Variants in CDK13 observed in about 807,000 individuals in gnomAD.
The protein encoded by CDK13 is cyclin-dependent kinase 13.
A neutral mutation model predicts 137.6 loss-of-function variants in CDK13; 40 were observed. That is an observed-to-expected ratio of 0.29 (90% CI 0.23 to 0.38). The LOEUF (loss-of-function observed/expected upper bound fraction) is 0.38. Ranked by LOEUF, CDK13 falls within the 10% of genes least tolerant of loss-of-function variation. The pLI is 1.00. For synonymous variants in CDK13, 869 were observed against 760.1 expected (o/e 1.14, Z -2.36); for missense variants, 1,704 against 1,951.8 (o/e 0.87, Z 2.39).
chr7:39,964,304 A>G (rs1441482487), intron 1 of CDK13, among the ~76,000 whole-genome samples: 2 of 152,210 alleles, frequency 1.3e-5, no homozygotes, highest in East Asian at 3.9e-4. Flanking sequence ...AGAGCCTGTT[A>G]TTGGTCTATT....
chr7:40,006,032 T>A (rs552021828), intron 5 of CDK13, among the ~76,000 whole-genome samples: 1 of 152,178 alleles, frequency 6.6e-6, no homozygotes, highest in Non-Finnish European at 1.5e-5. Context: ...TGAAGAAACT[T>A]TTTCTAAACT....
At chr7:40,015,640 TAGGC>T (rs1784988108) in intron 5 of CDK13, among the ~76,000 whole-genome samples, 1 of 152,138 alleles carries the variant, frequency 6.6e-6, no homozygotes, top group Non-Finnish European at 1.5e-5. Flanking sequence ...CAATAATTAT[TAGGC>T]AGGTAGGATG....
Position 39,950,894 on chromosome 7 carries a change from C to A in CDK13, c.253C>A (p.Pro85Thr). Residue 85 changes from proline (P) to threonine (T), a missense_variant, in exon 1 of 14, where the codon CCC becomes ACC. Physicochemically the swap from Pro to Thr is conservative, Grantham distance 38. Transcript: ENST00000181839. ...AASSSCFSPG[P>T]PLEVKRLARG... is the part of the protein sequence containing the mutation. ...CTCCTCCTCTTGCTTCAGCCCGGGC[C>A]CCCCTCTGGAGGTCAAGCGGCTGGC... 7.4e-7 allele frequency: 1 copy of A among 1,345,780 alleles called. No individual in the cohort carries two copies. Among genetic ancestry groups the A allele is most frequent in the East Asian group, 3.1e-5 (1 of 32,502 alleles). 83.4% of individuals were successfully genotyped at this position (1,345,780 alleles called of 1,614,324 possible). A position where few individuals can be genotyped will look rare whatever the true frequency, so the allele number is the denominator to read the frequency against.
At chr7:40,044,117 T>G (rs1562745874) in intron 5 of CDK13, among the ~76,000 whole-genome samples, 1 of 151,600 alleles carries the variant, frequency 6.6e-6, no homozygotes, top group Non-Finnish European at 1.5e-5. Context: ...GGCTGGTCTC[T>G]AACTCCTGAC....
chr7:40,034,648 G>A (rs1445349751), intron 5 of CDK13, among the ~76,000 whole-genome samples: 1 of 152,044 alleles, frequency 6.6e-6, no homozygotes, highest in Non-Finnish European at 1.5e-5. Context: ...TACTAGTGCT[G>A]TTATTTCTTT....
In CDK13 at chr7:40,062,731, T is replaced by G. The variant is rs17496598; in HGVS notation, c.2601-95T>G. 7,363 of 872,154 alleles carry G rather than the reference T, an allele frequency of 8.4e-3. 345 individuals carry two copies. The African/African-American group carries it at 0.11, about 13-fold the overall frequency. The allele number at this position is 872,154 out of a possible 1,614,324, so 54.0% of individuals were successfully genotyped here. ...CAGATGAAAGTGTTTTTAGTTAGGATTATAGGGATTGCTTTAGTAAAATAA... is the reference window on the plus strand; with the variant it reads ...CAGATGAAAGTGTTTTTAGTTAGGAGTATAGGGATTGCTTTAGTAAAATAA... On this transcript the variant is annotated intron_variant, in intron 7 of 13. Transcript: ENST00000181839.
chr7:40,064,957 A>ATTTTT (rs56710188), intron 9 of CDK13, among the ~76,000 whole-genome samples: 12 of 46,140 alleles, frequency 2.6e-4, no homozygotes, highest in Non-Finnish European at 4.4e-4. Flanking sequence ...ATGCTGGGTG[A>ATTTTT]TTTTTTTTTT....
At chr7:40,069,099 T>C (rs1786352113) in intron 9 of CDK13, among the ~76,000 whole-genome samples, 1 of 152,148 alleles carries the variant, frequency 6.6e-6, no homozygotes, top group Middle Eastern at 3.4e-3. Context: ...GTGGGTGTGG[T>C]AGCACACACC....
intron 1 of CDK13, among the ~76,000 whole-genome samples, chr7:39,976,424 G>T (rs1784114386): frequency 6.6e-6 from 1 of 151,726 alleles, no homozygotes; most frequent in Non-Finnish European, 1.5e-5. Flanking sequence ...TGAAGTGAAA[G>T]ACTTGGGTTT....
At chr7:39,979,222 T>C (rs11979592) in intron 1 of CDK13, among the ~76,000 whole-genome samples, 2,700 of 148,180 alleles carry the variant, frequency 0.018, 77 homozygotes, top group African/African-American at 0.066. Context: ...TTTTCTTTTT[T>C]TTTTTTTTTT....
chr7:39,973,467 C>CT (rs1413722838), intron 1 of CDK13, among the ~76,000 whole-genome samples: 1 of 152,118 alleles, frequency 6.6e-6, no homozygotes, highest in Non-Finnish European at 1.5e-5. Context: ...GGGCTGTCGT[C>CT]TTATTATAGG....
At chr7:40,030,954 G>T (rs1488046005) in intron 5 of CDK13, among the ~76,000 whole-genome samples, 1 of 152,188 alleles carries the variant, frequency 6.6e-6, no homozygotes, top group African/African-American at 2.4e-5. Context: ...AGTCTTGACA[G>T]TTATGAATAA....
At chr7:39,992,189 T>C (rs1167598638) in intron 2 of CDK13, among the ~76,000 whole-genome samples, 9 of 151,638 alleles carry the variant, frequency 5.9e-5, no homozygotes, top group Non-Finnish European at 1.3e-4. Context: ...TGTGTGTGTG[T>C]GTGTGTGTGT....
intron 9 of CDK13, among the ~76,000 whole-genome samples, chr7:40,064,489 C>T (rs1786232435): frequency 6.6e-6 from 1 of 151,944 alleles, no homozygotes; most frequent in Non-Finnish European, 1.5e-5. Context: ...CAGAGAAGGA[C>T]CTCAACATCA....
chr7:39,979,476 A>T (rs866079055), intron 1 of CDK13, among the ~76,000 whole-genome samples: 1 of 152,084 alleles, frequency 6.6e-6, no homozygotes, highest in African/African-American at 2.4e-5. Flanking sequence ...TCGGCTTCCC[A>T]AAGTGCTGTG....
At chr7:40,055,156 C>CTGTG (rs56001601) in intron 7 of CDK13, among the ~76,000 whole-genome samples, 15,528 of 140,258 alleles carry the variant, frequency 0.11, 851 homozygotes, top group Non-Finnish European at 0.12. Flanking sequence ...GGCAGAAGGA[C>CTGTG]TGTGTGTGTG....
intron 5 of CDK13, among the ~76,000 whole-genome samples, chr7:40,020,693 C>T (rs935738679): frequency 3.9e-5 from 6 of 152,170 alleles, no homozygotes; most frequent in African/African-American, 7.2e-5. Flanking sequence ...GTTGCTTAAA[C>T]ATAAATATGC....
chr7:40,038,986 T>C (rs1785545419), intron 5 of CDK13, among the ~76,000 whole-genome samples: 1 of 152,204 alleles, frequency 6.6e-6, no homozygotes, highest in East Asian at 1.9e-4. Context: ...TGAGCCACTG[T>C]GCCTGGCCAC....
intron 1 of CDK13, among the ~76,000 whole-genome samples, chr7:39,982,330 A>G (rs1256312663): frequency 2.0e-5 from 3 of 151,868 alleles, no homozygotes; most frequent in African/African-American, 7.3e-5. Context: ...CCATGTCCCT[A>G]CAAAGGACAT....
Sources: gnomAD v4.1 joint callset for allele counts (sites outside exome capture counted in the v4.1 genomes callset) on GRCh38, gnomAD v4.1.1 for gene constraint, MANE v1.5 for transcripts, NCBI Gene and HGNC (gene_info 2026-07-23, HGNC 2026-07-21) for gene names.